Variants in DCC observed in about 807,000 individuals in gnomAD.
DCC encodes netrin receptor DCC.
A neutral mutation model predicts 172.5 loss-of-function variants in DCC; 58 were observed. That is an observed-to-expected ratio of 0.34 (90% CI 0.27 to 0.42). The LOEUF (loss-of-function observed/expected upper bound fraction) is 0.42. Among genes scored for constraint, DCC ranks in the 10% least tolerant of loss-of-function variants. The pLI, the probability that DCC is intolerant of heterozygous loss-of-function variation, is 1.00. For synonymous variants in DCC, 709 were observed against 644.5 expected, an observed-to-expected ratio of 1.10 and a Z score of -1.52; for missense variants, 1,740 against 1,791.0, an observed-to-expected ratio of 0.97 and a Z score of 0.51.
At chr18:53,215,358 G>A (rs1312034554) in intron 11 of DCC, among the ~76,000 whole-genome samples, 190 bp from the exon 12 acceptor site, 6 of 148,566 alleles carry the variant, frequency 4.0e-5, no homozygotes, top group African/African-American at 2.5e-5. Context: ...AGCGAAATGA[G>A]AAAAAAAAAA....
intron 1 of DCC, among the ~76,000 whole-genome samples, chr18:52,557,411 T>C (rs192676279): frequency 1.3e-5 from 2 of 152,334 alleles, no homozygotes; most frequent in East Asian, 3.9e-4. Context: ...ATTTGGTAGA[T>C]GATTGACACA....
At chr18:52,399,753 T>C (rs1435544818) in intron 1 of DCC, among the ~76,000 whole-genome samples, 1 of 152,030 alleles carries the variant, frequency 6.6e-6, no homozygotes, top group Non-Finnish European at 1.5e-5. Context: ...TTTTCCATTA[T>C]AAAGCCGTTA....
intron 1 of DCC, among the ~76,000 whole-genome samples, chr18:52,680,926 A>G (rs1283826260): frequency 6.6e-6 from 1 of 152,116 alleles, no homozygotes; most frequent in Non-Finnish European, 1.5e-5. Flanking sequence ...TAAAACGCAG[A>G]AGAAAAATAC....
At chr18:52,971,368 G>T (rs2041027274) in intron 5 of DCC, among the ~76,000 whole-genome samples, 2 of 152,160 alleles carry the variant, frequency 1.3e-5, no homozygotes, top group Admixed American at 6.6e-5. Flanking sequence ...AGCAATGGAT[G>T]TATAATTCCC....
Position 53,274,777 on chromosome 18 carries a change from G to A in DCC, c.1912-30801G>A, listed in dbSNP as rs187737083. Among the ~76,000 whole-genome samples the A allele has an allele frequency of 6.3e-4, 96 of 152,170 alleles. 2 individuals carry two copies. Among genetic ancestry groups the A allele is most frequent in the East Asian group, 5.8e-4 (3 of 5,162 alleles). On this transcript the variant is annotated intron_variant, in intron 12 of 28. Coordinates refer to ENST00000442544, the MANE Select transcript of DCC (RefSeq NM_005215.4). Reference sequence around the variant, plus strand: ...CAAGCTGTGTAGGCCCTTATTGATCGAAGTGTGGTCTCTTGGCCAGAAGCA... The same window carrying A: ...CAAGCTGTGTAGGCCCTTATTGATCAAAGTGTGGTCTCTTGGCCAGAAGCA...
At chr18:52,405,726 C>T (rs1364635753) in intron 1 of DCC, among the ~76,000 whole-genome samples, 113 of 151,332 alleles carry the variant, frequency 7.5e-4, no homozygotes, top group Non-Finnish European at 1.4e-3. Context: ...GAATCAATAT[C>T]GTGAAAATGG....
intron 1 of DCC, among the ~76,000 whole-genome samples, chr18:52,564,677 G>T (rs79143676): frequency 1.2e-4 from 16 of 132,102 alleles, no homozygotes; most frequent in African/African-American, 4.5e-4. Context: ...TGGGGGGGGG[G>T]GTGTTAAAAT....
At chr18:53,041,188 G>T (rs1221167524) in intron 5 of DCC, among the ~76,000 whole-genome samples, 1 of 152,050 alleles carries the variant, frequency 6.6e-6, no homozygotes, top group Admixed American at 6.6e-5. Context: ...ATTAATTTTT[G>T]TATAAGATGT....
At chr18:52,999,582 A>G (rs559295069) in intron 5 of DCC, among the ~76,000 whole-genome samples, 1 of 152,210 alleles carries the variant, frequency 6.6e-6, no homozygotes, top group Non-Finnish European at 1.5e-5. Context: ...TTGCTACACT[A>G]GATGATGTGG....
intron 2 of DCC, among the ~76,000 whole-genome samples, chr18:52,836,464 G>A (rs1428920027): frequency 6.6e-6 from 1 of 152,216 alleles, no homozygotes; most frequent in African/African-American, 2.4e-5. Context: ...TACAATGTGG[G>A]TACAGGCATT....
At chr18:52,993,013 T>C (rs936671829) in intron 5 of DCC, among the ~76,000 whole-genome samples, 3 of 150,414 alleles carry the variant, frequency 2.0e-5, no homozygotes, top group Non-Finnish European at 4.4e-5. Flanking sequence ...ACATGTGAAA[T>C]GAGTTTATTA....
At chr18:52,965,661 AT>A (rs1288604961) in intron 5 of DCC, among the ~76,000 whole-genome samples, 2 of 152,122 alleles carry the variant, frequency 1.3e-5, no homozygotes, top group African/African-American at 4.8e-5. Context: ...TTAAAGCTTA[AT>A]TTTTTTAAGT....
chr18:52,957,583 T>C (rs1388578522), intron 5 of DCC, among the ~76,000 whole-genome samples: 1 of 152,156 alleles, frequency 6.6e-6, no homozygotes, highest in Non-Finnish European at 1.5e-5. Flanking sequence ...TGATCACATA[T>C]CTCACAAATA....
At chr18:52,457,908 C>G (rs998130181) in intron 1 of DCC, among the ~76,000 whole-genome samples, 2 of 64,782 alleles carry the variant, frequency 3.1e-5, no homozygotes, top group African/African-American at 9.1e-5. Flanking sequence ...AACAAGCAAG[C>G]AAGCAAACAA....
intron 1 of DCC, among the ~76,000 whole-genome samples, chr18:52,479,616 A>G (rs1309908644): frequency 1.6e-5 from 2 of 122,424 alleles, no homozygotes; most frequent in East Asian, 2.7e-4. Context: ...ACTAAGTTCT[A>G]TTTCAAGTGG....
intron 12 of DCC, among the ~76,000 whole-genome samples, chr18:53,232,934 C>CT (rs201132804): frequency 1.9e-4 from 25 of 130,110 alleles, no homozygotes; most frequent in South Asian, 9.2e-4. Flanking sequence ...TTGCTCCTTT[C>CT]TTTTTTTTTT....
intron 1 of DCC, among the ~76,000 whole-genome samples, chr18:52,618,525 T>C (rs779000734): frequency 2.0e-5 from 3 of 152,154 alleles, no homozygotes; most frequent in Non-Finnish European, 4.4e-5. Context: ...CATCAAATAT[T>C]ATAAAAGTGC....
At chr18:52,980,409 G>C (rs2041191067) in intron 5 of DCC, among the ~76,000 whole-genome samples, 1 of 151,958 alleles carries the variant, frequency 6.6e-6, no homozygotes, top group South Asian at 2.1e-4. Flanking sequence ...AGAAATTTCA[G>C]GGTCCGGTTA....
At chr18:53,236,150 G>A (rs1242937965) in intron 12 of DCC, among the ~76,000 whole-genome samples, 1 of 152,062 alleles carries the variant, frequency 6.6e-6, no homozygotes, top group Non-Finnish European at 1.5e-5. Flanking sequence ...TACTTAATTA[G>A]AAATAATTTT....
Sources: gnomAD v4.1 joint callset for allele counts (sites outside exome capture counted in the v4.1 genomes callset) on GRCh38, gnomAD v4.1.1 for gene constraint, MANE v1.5 for transcripts, NCBI Gene and HGNC (gene_info 2026-07-23, HGNC 2026-07-21) for gene names.